The following GNA14 variants were observed in gnomAD, a reference collection of about 807,000 sequenced individuals.
GNA14 encodes G protein subunit alpha 14.
In GNA14, 50 loss-of-function variants were observed where a neutral mutation model predicts 42.0. That is an observed-to-expected ratio of 1.19 (90% CI 0.95 to 1.51). The LOEUF is 1.51. GNA14 is among the 40% of genes most tolerant of loss of function. GNA14 has a pLI of 0.00. For missense variants in GNA14, 473 were observed against 446.2 expected, an observed-to-expected ratio of 1.06 and a Z score of -0.54; for synonymous variants, 173 against 163.1, an observed-to-expected ratio of 1.06 and a Z score of -0.46.
intron 2 of GNA14, among the ~76,000 whole-genome samples, chr9:77,478,172 C>G (rs1188852864): frequency 6.8e-6 from 1 of 147,062 alleles, no homozygotes; most frequent in African/African-American, 2.5e-5. Flanking sequence ...TGCTATCCCT[C>G]CCTCCTCCCC....
At chr9:77,579,148 G>A (rs912700974) in intron 1 of GNA14, among the ~76,000 whole-genome samples, 2 of 152,176 alleles carry the variant, frequency 1.3e-5, no homozygotes, top group African/African-American at 2.4e-5. Context: ...CACCTATAAA[G>A]TTGGAATACT....
At chr9:77,436,368 G>A (rs1343622200) in intron 2 of GNA14, among the ~76,000 whole-genome samples, 1 of 152,094 alleles carries the variant, frequency 6.6e-6, no homozygotes, top group African/African-American at 2.4e-5. Context: ...GATTTCCAGG[G>A]GTACCTGAAT....
At chr9:77,484,005 A>G (rs1328567232) in intron 2 of GNA14, among the ~76,000 whole-genome samples, 2 of 152,278 alleles carry the variant, frequency 1.3e-5, no homozygotes, top group Admixed American at 1.3e-4. Flanking sequence ...TAAGGGCAGA[A>G]TAAGACATTT....
chr9:77,497,853 A>C (rs1481351065), intron 2 of GNA14, among the ~76,000 whole-genome samples: 1 of 152,148 alleles, frequency 6.6e-6, no homozygotes, highest in Non-Finnish European at 1.5e-5. Context: ...TGTAATTCTC[A>C]TTTGGCAACA....
At chr9:77,436,937 G>A (rs1835646778) in intron 2 of GNA14, among the ~76,000 whole-genome samples, 2 of 152,174 alleles carry the variant, frequency 1.3e-5, no homozygotes, top group Non-Finnish European at 2.9e-5. Flanking sequence ...GCCCGTGCAG[G>A]TCACAGTGGG....
intron 1 of GNA14, among the ~76,000 whole-genome samples, chr9:77,605,807 C>T (rs982224508): frequency 6.6e-5 from 10 of 152,192 alleles, no homozygotes; most frequent in Non-Finnish European, 1.3e-4. Context: ...AGTTTCGCCC[C>T]TTAGTCTCAG....
At chr9:77,501,768 T>G (rs1836977534) in intron 2 of GNA14, among the ~76,000 whole-genome samples, 1 of 148,656 alleles carries the variant, frequency 6.7e-6, no homozygotes, top group Non-Finnish European at 1.5e-5. Flanking sequence ...TGGAGTGCAG[T>G]GGCATGATCT....
chr9:77,449,370 T>C (rs962772109), intron 2 of GNA14, among the ~76,000 whole-genome samples: 1 of 152,252 alleles, frequency 6.6e-6, no homozygotes, highest in Non-Finnish European at 1.5e-5. Context: ...TGCCACCCAG[T>C]GGAAAATCTT....
At chr9:77,434,738 C>G (rs2131692681) in intron 2 of GNA14, among the ~76,000 whole-genome samples, 1 of 152,240 alleles carries the variant, frequency 6.6e-6, no homozygotes, top group South Asian at 2.1e-4. Flanking sequence ...GTGGAGAGAG[C>G]CACCAGCAGC....
At position 77,520,951 on chromosome 9, in the gene GNA14, A is replaced by G. The variant is rs144015088; in HGVS notation, c.309+8118T>C. ...TCCTCATATCCCAGTTCAGGCTTAAAGGGTAGTGGGTGTTTTAATTGTGAC... is the reference window on the plus strand; with the variant it reads ...TCCTCATATCCCAGTTCAGGCTTAAGGGGTAGTGGGTGTTTTAATTGTGAC... On this transcript the variant is annotated intron_variant, in intron 2 of 6. Coordinates refer to ENST00000341700, the MANE Select transcript of GNA14 (RefSeq NM_004297.4). 3.9e-5 allele frequency among the ~76,000 whole-genome samples: 6 copies of G among 152,324 alleles called. No individual in the cohort carries two copies. The East Asian group carries it at 1.2e-3, about 29-fold the overall frequency.
intron 1 of GNA14, among the ~76,000 whole-genome samples, chr9:77,618,835 G>A (rs961726495): frequency 8.8e-5 from 13 of 148,522 alleles, no homozygotes; most frequent in African/African-American, 2.0e-4. Flanking sequence ...GGGTTTCACC[G>A]TTTTAGCCGG....
chr9:77,434,524 T>C lies in GNA14; in HGVS notation c.310-2A>G, dbSNP rs148017027. ...TTCTCTGATTATCTGGGCATTTTCC[T>C]ACTCAAAGGAAAGAGAACCTTGCAT... On this transcript the variant is annotated splice_acceptor_variant, in intron 2 of 6. Transcript: ENST00000341700. LOFTEE classifies it high-confidence loss of function. The C allele has an allele frequency of 2.1e-5, 34 of 1,611,576 alleles. No individual in the cohort carries two copies. In the Middle Eastern group the frequency reaches 6.6e-4, roughly 31 times the overall value.
chr9:77,593,588 G>C (rs192570823), intron 1 of GNA14, among the ~76,000 whole-genome samples: 6 of 152,282 alleles, frequency 3.9e-5, no homozygotes, highest in Admixed American at 2.6e-4. Context: ...GGAATTACAG[G>C]TGTGAGCCAC....
chr9:77,474,225 T>C (rs896097521), intron 2 of GNA14, among the ~76,000 whole-genome samples: 5 of 152,240 alleles, frequency 3.3e-5, no homozygotes, highest in South Asian at 2.1e-4. Context: ...AGACAACACA[T>C]AGAATGGGAG....
At chr9:77,585,226 A>G (rs1823284994) in intron 1 of GNA14, among the ~76,000 whole-genome samples, 3 of 152,190 alleles carry the variant, frequency 2.0e-5, no homozygotes, top group Admixed American at 2.0e-4. Context: ...AAATATGACC[A>G]TAGGAGACCA....
intron 1 of GNA14, among the ~76,000 whole-genome samples, chr9:77,577,760 G>A (rs895897677): frequency 1.3e-5 from 2 of 152,126 alleles, no homozygotes; most frequent in Non-Finnish European, 2.9e-5. Context: ...AGTTGCAGGA[G>A]GTACTTTGGA....
intron 2 of GNA14, among the ~76,000 whole-genome samples, chr9:77,493,018 A>ATATATATATATATATAT (rs1322242402): frequency 1.1e-5 from 1 of 88,902 alleles, no homozygotes; most frequent in Non-Finnish European, 2.3e-5. Context: ...AAAAAAAAAA[A>ATATATATATATATATAT]AAAAAAAAAT....
At position 77,493,034 on chromosome 9, in the gene GNA14, T is replaced by A. The variant is rs866965686; in HGVS notation, c.309+36035A>T. On this transcript the variant is annotated intron_variant, in intron 2 of 6. Coordinates refer to ENST00000341700, the MANE Select transcript of GNA14 (RefSeq NM_004297.4). The stretch of plus-strand genomic sequence containing the variant: ...AAAAAAAAAAAAAAAAAAATATATA[T>A]ATATATATATATTTGGGAGATGCTC... 7.5e-3 allele frequency among the ~76,000 whole-genome samples: 945 copies of A among 126,066 alleles called. 17 individuals are homozygous for A. Among genetic ancestry groups the A allele is most frequent in the African/African-American group, 0.029 (908 of 30,876 alleles). 82.7% of individuals were successfully genotyped at this position (126,066 alleles called of 152,430 possible).
intron 1 of GNA14, among the ~76,000 whole-genome samples, chr9:77,634,942 C>T (rs1220646900): frequency 6.6e-6 from 1 of 152,222 alleles, no homozygotes; most frequent in Non-Finnish European, 1.5e-5. Context: ...AGGATGTAGT[C>T]AATCCACAGT....
Sources: allele counts gnomAD v4.1 joint callset (sites outside exome capture counted in the v4.1 genomes callset), GRCh38; gene constraint gnomAD v4.1.1; transcripts MANE v1.5; gene names NCBI Gene and HGNC (gene_info 2026-07-23, HGNC 2026-07-21).